RTN3: variants seen among roughly 807,000 people sequenced by gnomAD.
RTN3 encodes reticulon-3.
In RTN3, 49 loss-of-function variants were observed where a neutral mutation model predicts 77.8. That is an observed-to-expected ratio of 0.63 (90% CI 0.50 to 0.80). The LOEUF is 0.80. Among genes scored for constraint, RTN3 ranks in the 30% least tolerant of loss-of-function variants. The pLI is 0.00. For synonymous variants in RTN3, 464 were observed against 446.9 expected (o/e 1.04, Z -0.48); for missense variants, 1,236 against 1,211.9 (o/e 1.02, Z -0.29).
intron 3 of RTN3, among the ~76,000 whole-genome samples, chr11:63,742,252 T>G (rs1176585695): frequency 6.6e-6 from 1 of 151,540 alleles, no homozygotes; most frequent in Non-Finnish European, 1.5e-5. Context: ...GTGCTGGGAT[T>G]ACAGGCATGA....
intron 1 of RTN3, among the ~76,000 whole-genome samples, chr11:63,702,345 C>T (rs1455802099): frequency 4.0e-5 from 6 of 148,452 alleles, no homozygotes; most frequent in South Asian, 4.2e-4. Context: ...GACAGAGTCT[C>T]GCCCTGTCGC....
At chr11:63,748,878 G>A (rs2013950889) in intron 3 of RTN3, among the ~76,000 whole-genome samples, 2 of 151,844 alleles carry the variant, frequency 1.3e-5, no homozygotes, top group African/African-American at 4.8e-5. Context: ...ATGTTGGCCA[G>A]GTTGGTCTCG....
chr11:63,749,141 A>G (rs754039819), intron 3 of RTN3, among the ~76,000 whole-genome samples: 2 of 152,140 alleles, frequency 1.3e-5, no homozygotes, highest in Non-Finnish European at 2.9e-5. Context: ...GTACCTGGAC[A>G]TGGTGGCACA....
chr11:63,696,551 T>G (rs1458268321), intron 1 of RTN3, among the ~76,000 whole-genome samples: 1 of 145,674 alleles, frequency 6.9e-6, no homozygotes, highest in Non-Finnish European at 1.5e-5. Context: ...CTATTTTTTT[T>G]TTTTTTTTTT....
intron 1 of RTN3, among the ~76,000 whole-genome samples, chr11:63,699,247 G>A (rs1472532836): frequency 6.6e-6 from 1 of 151,892 alleles, no homozygotes; most frequent in African/African-American, 2.4e-5. Flanking sequence ...GTTGCAGTGA[G>A]CTGAAATCAC....
intron 3 of RTN3, among the ~76,000 whole-genome samples, chr11:63,734,018 A>T (rs80310074): frequency 0.025 from 3,733 of 152,318 alleles, 64 homozygotes; most frequent in Admixed American, 0.041. Flanking sequence ...AAAAAGTTCG[A>T]TATCCTTTTC....
intron 3 of RTN3, among the ~76,000 whole-genome samples, chr11:63,736,905 G>T (rs1341951096): frequency 6.6e-6 from 1 of 151,830 alleles, no homozygotes; most frequent in African/African-American, 2.4e-5. Context: ...CACAGTTAGG[G>T]GCAGGGGAAA....
intron 3 of RTN3, among the ~76,000 whole-genome samples, chr11:63,744,190 C>T (rs894239181): frequency 1.2e-4 from 14 of 118,840 alleles, no homozygotes; most frequent in African/African-American, 4.6e-4. Flanking sequence ...TGCAGTGAGC[C>T]GAGACCACAC....
intron 2 of RTN3, among the ~76,000 whole-genome samples, chr11:63,710,757 A>G (rs1471309341): frequency 1.3e-5 from 2 of 152,172 alleles, no homozygotes; most frequent in African/African-American, 4.8e-5. Flanking sequence ...GAAACTTGTA[A>G]TACAGATTCC....
rs144334365 is a variant in RTN3, at chr11:63,712,426, T to G, written c.200-6276T>G. ...TTTAATTTTCCCATTTTGATGAGAT[T>G]GGATTAAGCAGTTTACTCAAGGCCA... On this transcript the variant is annotated intron_variant, in intron 2 of 8. Coordinates refer to ENST00000377819, the MANE Select transcript of RTN3 (RefSeq NM_001265589.2). 9.4e-4 allele frequency among the ~76,000 whole-genome samples: 143 copies of G among 152,208 alleles called. 1 individual carries two copies. Among genetic ancestry groups the G allele is most frequent in the African/African-American group, 3.2e-3 (132 of 41,538 alleles).
intron 1 of RTN3, among the ~76,000 whole-genome samples, chr11:63,700,282 C>CTTTTTTTTCTT (rs1555068903): frequency 7.5e-6 from 1 of 133,444 alleles, no homozygotes; most frequent in African/African-American, 2.9e-5. Context: ...GATTCTTTTA[C>CTTTTTTTTCTT]TTTTTTTTTT....
At chr11:63,696,877 CTTTCTTTTTTTTTT>C (rs1324678414) in intron 1 of RTN3, among the ~76,000 whole-genome samples, 10 of 52,248 alleles carry the variant, frequency 1.9e-4, no homozygotes, top group South Asian at 8.9e-4. Context: ...TTCTTTCTTT[CTTTCTTTTTTTTTT>C]TTTTTTTTTT....
At chr11:63,727,341 A>G (rs1216722229) in intron 3 of RTN3, among the ~76,000 whole-genome samples, 1 of 152,220 alleles carries the variant, frequency 6.6e-6, no homozygotes, top group African/African-American at 2.4e-5. Flanking sequence ...AAAAAGAGAC[A>G]ATCGATAGAA....
chr11:63,732,823 T>C (rs1389114601), intron 3 of RTN3, among the ~76,000 whole-genome samples: 2 of 152,154 alleles, frequency 1.3e-5, no homozygotes, highest in East Asian at 3.8e-4. Flanking sequence ...TCATATATAA[T>C]ACATATGTAT....
intron 3 of RTN3, among the ~76,000 whole-genome samples, chr11:63,732,817 A>C (rs1290334415): frequency 6.6e-6 from 1 of 152,194 alleles, no homozygotes; most frequent in Non-Finnish European, 1.5e-5. Flanking sequence ...TATATGTCAT[A>C]TATAATACAT....
At chr11:63,682,094 A>G (rs966469565) in intron 1 of RTN3, among the ~76,000 whole-genome samples, 2 of 152,250 alleles carry the variant, frequency 1.3e-5, no homozygotes, top group Non-Finnish European at 2.9e-5. Context: ...CTCGATGCAT[A>G]TGGTGAACCT....
intron 3 of RTN3, among the ~76,000 whole-genome samples, chr11:63,722,389 A>C (rs539837162): frequency 6.6e-6 from 1 of 152,164 alleles, no homozygotes. Context: ...TATCTTTTTA[A>C]GTTTTAATAT....
chr11:63,688,024 A>G (rs114383227), intron 1 of RTN3, among the ~76,000 whole-genome samples: 161 of 152,296 alleles, frequency 1.1e-3, no homozygotes, highest in African/African-American at 3.8e-3. Flanking sequence ...GATGTTTCCC[A>G]GAAGGCTTGG....
intron 1 of RTN3, among the ~76,000 whole-genome samples, chr11:63,699,957 A>G (rs1403985938): frequency 6.6e-6 from 1 of 152,226 alleles, no homozygotes. Context: ...TGACACAAAT[A>G]CAGAATATGA....
Sources: gnomAD v4.1 joint callset for allele counts (sites outside exome capture counted in the v4.1 genomes callset) on GRCh38, gnomAD v4.1.1 for gene constraint, MANE v1.5 for transcripts, NCBI Gene and HGNC (gene_info 2026-07-23, HGNC 2026-07-21) for gene names.